Variants in SMCHD1 observed in about 807,000 individuals in gnomAD.
SMCHD1 encodes structural maintenance of chromosomes flexible hinge domain-containing protein 1.
A neutral mutation model predicts 254.7 loss-of-function variants in SMCHD1; 78 were observed. That is an observed-to-expected ratio of 0.31 (90% confidence interval 0.26 to 0.37). SMCHD1 has a LOEUF of 0.37. SMCHD1 is among the 10% of genes least tolerant of loss of function. The pLI is 1.00. For missense variants in SMCHD1, 1,840 were observed against 2,408.1 expected (o/e 0.76, Z 4.94); for synonymous variants, 766 against 794.9 (o/e 0.96, Z 0.61).
At chr18:2,794,453 C>T (rs574316296) in intron 45 of SMCHD1, among the ~76,000 whole-genome samples, 48 of 152,140 alleles carry the variant, frequency 3.2e-4, no homozygotes, top group Non-Finnish European at 6.0e-4. Context: ...CTGCAGTGAG[C>T]AGTGATTATG....
intron 19 of SMCHD1, among the ~76,000 whole-genome samples, chr18:2,720,571 C>G (rs2074902937): frequency 6.6e-6 from 1 of 152,050 alleles, no homozygotes; most frequent in Admixed American, 6.6e-5. Flanking sequence ...TAGGTCTTGT[C>G]TCTTTGGCTA....
rs770290837 is a variant in SMCHD1, at chr18:2,705,756, C to T, written c.1905C>T (p.Gly635=). 22 of 1,606,252 alleles carry T rather than the reference C, an allele frequency of 1.4e-5. No homozygotes were observed. The Middle Eastern group carries it at 9.9e-4, about 72-fold the overall frequency. Residue 635 remains glycine (G), a synonymous_variant, in exon 14 of 48, where the codon GGC becomes GGT. Transcript: ENST00000320876. ...GCATAGTAAGATTTTTTCTTTATGG[C>T]GATCATGATGGAGAAGTATATGCTA... ...YGSIVRFFLY[G]DHDGEVYATG... is the part of the protein sequence containing the mutation.
In SMCHD1 at chr18:2,669,527, C is replaced by T. The variant is rs911268464; in HGVS notation, c.424+2496C>T. ...CTGCCTGCCCTTTCTTCTCTCCCCA[C>T]CTTATTAATATTGAAGTGCCTTAGG... On this transcript the variant is annotated intron_variant, in intron 3 of 47. Coordinates refer to ENST00000320876, the MANE Select transcript of SMCHD1 (RefSeq NM_015295.3). Among the ~76,000 whole-genome samples, 16 of 152,112 alleles carry T rather than the reference C, an allele frequency of 1.1e-4. No individual in the cohort carries two copies. In the East Asian group the frequency reaches 2.9e-3, roughly 27 times the overall value.
intron 37 of SMCHD1, 198 bp downstream of exon 37, chr18:2,763,987 C>G (rs1461723206): frequency 4.1e-6 from 2 of 486,436 alleles, no homozygotes; most frequent in Non-Finnish European, 3.5e-6. Flanking sequence ...TCTCGTTTTT[C>G]CTATGGGATA....
At position 2,751,859 on chromosome 18, in the gene SMCHD1, A is replaced by G. The variant is rs372272052; in HGVS notation, c.4281+466A>G. The stretch of plus-strand genomic sequence containing the variant: ...CTAAAAAGAAATAAGTAAAATTCTA[A>G]TGTTTTTAACCTAATATATCAAAAG... On this transcript the variant is annotated intron_variant, in intron 33 of 47. Transcript: ENST00000320876. Among the ~76,000 whole-genome samples, 11 of 152,268 alleles carry G rather than the reference A, an allele frequency of 7.2e-5. No homozygotes were observed. In the East Asian group the frequency reaches 1.3e-3, roughly 19 times the overall value.
chr18:2,744,051 T>A, intron 29 of SMCHD1, 123 bp downstream of exon 29: 1 of 801,962 alleles, frequency 1.2e-6, no homozygotes, highest in Non-Finnish European at 1.8e-6. Context: ...TTGTTAACAG[T>A]AAAAATAACA....
Position 2,762,256 on chromosome 18 carries a change from A to C in SMCHD1, c.4566+20A>C, listed in dbSNP as rs536630414. The C allele has an allele frequency of 6.2e-7, 1 of 1,609,784 alleles. No homozygotes were observed. Among genetic ancestry groups the C allele is most frequent in the East Asian group, 2.2e-5 (1 of 44,806 alleles). On this transcript the variant is annotated intron_variant, in intron 36 of 47. Coordinates refer to ENST00000320876, the MANE Select transcript of SMCHD1 (RefSeq NM_015295.3). ...ATCACGGTAATGTTTATTTTCTTCC[A>C]AAACTGCGAAGGGTAACAAGAAAAA...
intron 47 of SMCHD1, 175 bp downstream of exon 47, chr18:2,796,696 T>G (rs1185139746): frequency 1.8e-6 from 1 of 554,772 alleles, no homozygotes; most frequent in African/African-American, 2.0e-5. Flanking sequence ...TTCTTGTGCC[T>G]CAGCCTCCCG....
chr18:2,719,801 G>A (rs1054633386), intron 19 of SMCHD1, among the ~76,000 whole-genome samples: 45 of 151,624 alleles, frequency 3.0e-4, no homozygotes, highest in Non-Finnish European at 5.6e-4. Context: ...TCAGCCTCCC[G>A]GGTAGCTGGG....
chr18:2,739,342 G>A, intron 26 of SMCHD1, 90 bp from the exon 27 acceptor site: 1 of 870,650 alleles, frequency 1.1e-6, no homozygotes, highest in South Asian at 1.4e-5. Context: ...TATTGGATAT[G>A]AACATTATAT....
At chr18:2,772,486 C>A in intron 41 of SMCHD1, 114 bp downstream of exon 41, 2 of 846,376 alleles carry the variant, frequency 2.4e-6, no homozygotes, top group African/African-American at 1.8e-5. Flanking sequence ...TTACTTCTTT[C>A]CAATAAAGTA....
Position 2,747,609 on chromosome 18 carries a change from C to T in SMCHD1, c.3889C>T (p.His1297Tyr). The change falls in exon 30 of 48, where the codon CAT becomes TAT. Residue 1297 changes from histidine to tyrosine, a missense_variant. His to Tyr is a moderately conservative substitution (Grantham distance 83). This residue lies in a region of SMCHD1 where 881 missense variants were observed against 1,009.5 expected (regional missense o/e 0.87). Transcript: ENST00000320876. ...DQWDNPAPVQ[H>Y]VKISLTKASN... ...GTGGGATAATCCAGCACCGGTACAACATGTTAAAATAAGTCTTACAAAAGC... is the reference window on the plus strand; with the variant it reads ...GTGGGATAATCCAGCACCGGTACAATATGTTAAAATAAGTCTTACAAAAGC... The T allele has an allele frequency of 1.2e-6, 2 of 1,606,468 alleles. No homozygotes were observed. The highest frequency in any genetic ancestry group is 1.7e-6 in the Non-Finnish European group (2 of 1,175,570).
At chr18:2,709,232 G>GTGTATATA (rs3037640) in intron 17 of SMCHD1, among the ~76,000 whole-genome samples, 9 of 79,646 alleles carry the variant, frequency 1.1e-4, no homozygotes, top group Admixed American at 1.7e-4. Flanking sequence ...GTGTATATGT[G>GTGTATATA]TATATATATA....
chr18:2,755,748 T>A (rs1486177650), intron 34 of SMCHD1, among the ~76,000 whole-genome samples: 1 of 151,880 alleles, frequency 6.6e-6, no homozygotes, highest in African/African-American at 2.4e-5. Flanking sequence ...TTTGTATTTT[T>A]AGTAGAGACA....
intron 37 of SMCHD1, among the ~76,000 whole-genome samples, chr18:2,766,104 C>T (rs186660538): frequency 6.6e-6 from 1 of 152,256 alleles, no homozygotes; most frequent in Non-Finnish European, 1.5e-5. Context: ...CGCCATTCTC[C>T]TGTCTCAGCC....
intron 29 of SMCHD1, among the ~76,000 whole-genome samples, chr18:2,746,685 G>A (rs1395865535): frequency 6.6e-6 from 1 of 152,180 alleles, no homozygotes; most frequent in African/African-American, 2.4e-5. Context: ...GTTAAGAGTA[G>A]GGGGTAGAAG....
At chr18:2,740,419 A>G (rs2075327255) in intron 27 of SMCHD1, among the ~76,000 whole-genome samples, 1 of 152,100 alleles carries the variant, frequency 6.6e-6, no homozygotes, top group Non-Finnish European at 1.5e-5. Context: ...ATTTTTTCTT[A>G]TATCTAGAAA....
rs374989057 is a variant in SMCHD1 at position 2,796,004 on chromosome 18, T to A, written c.5775T>A (p.Asp1925Glu). 2 of 1,597,902 alleles carry A rather than the reference T, an allele frequency of 1.3e-6. No individual in the cohort carries two copies. The highest frequency in any genetic ancestry group is 1.7e-6 in the Non-Finnish European group (2 of 1,171,918). Residue 1925 changes from aspartate to glutamate, a missense_variant, in exon 46 of 48, where the codon GAT becomes GAA. Asp to Glu is a conservative substitution (Grantham distance 45). Coordinates refer to ENST00000320876, the MANE Select transcript of SMCHD1 (RefSeq NM_015295.3). Reference sequence around the variant, plus strand: ...GCAAACTAGACAGTGTGAATAAGGATCTTAACAGTCAATTAGAGTACCTTC... The same window carrying A: ...GCAAACTAGACAGTGTGAATAAGGAACTTAACAGTCAATTAGAGTACCTTC... ...AVCKLDSVNK[D>E]LNSQLEYLRT...
rs2073038321 is a variant in SMCHD1 at position 2,655,934 on chromosome 18, C to G, written c.-142C>G. 1.8e-6 allele frequency: 1 copy of G among 559,586 alleles called. No individual in the cohort carries two copies. Among genetic ancestry groups the G allele is most frequent in the African/African-American group, 2.0e-5 (1 of 51,154 alleles). 34.7% of individuals were successfully genotyped at this position (559,586 alleles called of 1,614,324 possible). ...CGCGCCTGCCGCTGCTCGGCCGCCG[C>G]CGCTGACGAGGAGCTGCAGCGCGCC... On this transcript the variant is annotated 5_prime_UTR_variant, in exon 1 of 48. Coordinates refer to ENST00000320876, the MANE Select transcript of SMCHD1 (RefSeq NM_015295.3).
Sources: gnomAD v4.1 joint callset for allele counts (sites outside exome capture counted in the v4.1 genomes callset) on GRCh38, gnomAD v4.1.1 for gene constraint, gnomAD v4.1.1 regional missense constraint, MANE v1.5 for transcripts, NCBI Gene and HGNC (gene_info 2026-07-23, HGNC 2026-07-21) for gene names.